The following CNTNAP2 variants were observed in gnomAD, a reference collection of about 807,000 sequenced individuals.
CNTNAP2 encodes contactin associated protein 2.
In CNTNAP2, 98 loss-of-function variants were observed where a neutral mutation model predicts 155.2. That is an observed-to-expected ratio of 0.63 (90% CI 0.54 to 0.75). CNTNAP2 has a LOEUF of 0.75. Ranked by LOEUF, CNTNAP2 falls within the 30% of genes least tolerant of loss-of-function variation. The probability of loss-of-function intolerance (pLI) is 0.00; values close to 1 mark genes in which losing one functional copy is unlikely to be tolerated. For missense variants in CNTNAP2, 1,727 were observed against 1,688.1 expected, an observed-to-expected ratio of 1.02 and a Z score of -0.40; for synonymous variants, 651 against 631.2, an observed-to-expected ratio of 1.03 and a Z score of -0.47.
At chr7:146,806,532 C>A (rs1385409260) in intron 2 of CNTNAP2, among the ~76,000 whole-genome samples, 1 of 151,754 alleles carries the variant, frequency 6.6e-6, no homozygotes, top group Non-Finnish European at 1.5e-5. Flanking sequence ...GGGTACCATC[C>A]TATCTTGATG....
chr7:147,475,388 T>C (rs973698281), intron 10 of CNTNAP2, among the ~76,000 whole-genome samples: 3 of 152,190 alleles, frequency 2.0e-5, no homozygotes, highest in Non-Finnish European at 4.4e-5. Flanking sequence ...TCAATGAATC[T>C]CATTGAAATT....
rs370359601 is a variant in CNTNAP2, at chr7:146,768,996, A to G, written c.98-5275A>G. Among the ~76,000 whole-genome samples, 145 of 152,314 alleles carry G rather than the reference A, an allele frequency of 9.5e-4. 1 individual carries two copies. In the East Asian group the frequency reaches 0.019, roughly 20 times the overall value. Reference sequence around the variant, plus strand: ...ACCTCTCAGCCGTATCTTTTAGGTAAAGGGCAACAGCTATTTCATGTCTAT... The same window carrying G: ...ACCTCTCAGCCGTATCTTTTAGGTAGAGGGCAACAGCTATTTCATGTCTAT... On this transcript the variant is annotated intron_variant, in intron 1 of 23. Transcript: ENST00000361727.
At chr7:148,030,692 G>A (rs975784716) in intron 15 of CNTNAP2, among the ~76,000 whole-genome samples, 1 of 146,046 alleles carries the variant, frequency 6.8e-6, no homozygotes. Context: ...TTTTTGGCAG[G>A]TGGTAAAGTT....
At chr7:146,136,986 C>G (rs1184787332) in intron 1 of CNTNAP2, among the ~76,000 whole-genome samples, 1 of 152,112 alleles carries the variant, frequency 6.6e-6, no homozygotes, top group Non-Finnish European at 1.5e-5. Flanking sequence ...CATGATGGCA[C>G]TTTTGAGTGA....
chr7:146,993,660 A>T (rs1391623784), intron 3 of CNTNAP2, among the ~76,000 whole-genome samples: 23 of 152,134 alleles, frequency 1.5e-4, no homozygotes, highest in Admixed American at 1.5e-3. Flanking sequence ...TACCTACTGT[A>T]ACAGTGCTAT....
intron 1 of CNTNAP2, among the ~76,000 whole-genome samples, chr7:146,577,969 A>G (rs867748572): frequency 6.6e-6 from 1 of 152,104 alleles, no homozygotes; most frequent in Non-Finnish European, 1.5e-5. Flanking sequence ...TGGGAGTAGA[A>G]ACCCAGGTCA....
intron 1 of CNTNAP2, among the ~76,000 whole-genome samples, chr7:146,184,499 TAAG>T (rs894163353): frequency 1.3e-5 from 2 of 152,204 alleles, no homozygotes; most frequent in African/African-American, 4.8e-5. Context: ...AATTAAATGA[TAAG>T]AGCTAAGAGA....
At chr7:147,776,194 G>A (rs1175233473) in intron 13 of CNTNAP2, among the ~76,000 whole-genome samples, 5 of 151,374 alleles carry the variant, frequency 3.3e-5, no homozygotes, top group Non-Finnish European at 7.4e-5. Flanking sequence ...CAAAGATTCT[G>A]CCCTTCTATG....
chr7:147,108,368 G>T lies in CNTNAP2; in HGVS notation c.754+18G>T. On this transcript the variant is annotated intron_variant, in intron 5 of 23. Transcript: ENST00000361727. ...AAACTTAGGTGTGTTCTGACTGTCA[G>T]TTCTATTCTTTCCGTTATGGATGTT... 6.2e-7 allele frequency: 1 copy of T among 1,600,606 alleles called. No homozygotes were observed. Among genetic ancestry groups the T allele is most frequent in the Non-Finnish European group, 8.5e-7 (1 of 1,170,370 alleles).
chr7:146,929,833 G>GT (rs910243235), intron 3 of CNTNAP2, among the ~76,000 whole-genome samples: 1 of 152,188 alleles, frequency 6.6e-6, no homozygotes, highest in Non-Finnish European at 1.5e-5. Flanking sequence ...GGAAGAAAGG[G>GT]TATCAGTGAT....
At position 147,798,771 on chromosome 7, in the gene CNTNAP2, G is replaced by T. The variant is rs146006247; in HGVS notation, c.2099-104794G>T. 8.3e-4 allele frequency among the ~76,000 whole-genome samples: 127 copies of T among 152,256 alleles called. 1 individual carries two copies. Among genetic ancestry groups the T allele is most frequent in the African/African-American group, 3.0e-3 (125 of 41,542 alleles). ...AGACTATCCTGGATGTAGGGATAAA[G>T]GTATCCTCTCTTCAGCTACTTTAGA... On this transcript the variant is annotated intron_variant, in intron 13 of 23. Coordinates refer to ENST00000361727, the MANE Select transcript of CNTNAP2 (RefSeq NM_014141.6).
chr7:146,527,493 A>T (rs969003281), intron 1 of CNTNAP2, among the ~76,000 whole-genome samples: 1 of 152,000 alleles, frequency 6.6e-6, no homozygotes, highest in Non-Finnish European at 1.5e-5. Context: ...GCTCAATGTC[A>T]TATGTCTGGA....
At chr7:147,498,052 T>C (rs1798742363) in intron 11 of CNTNAP2, among the ~76,000 whole-genome samples, 1 of 152,186 alleles carries the variant, frequency 6.6e-6, no homozygotes, top group East Asian at 1.9e-4. Context: ...GCATGCGTAT[T>C]AGATGCCCTT....
At chr7:147,482,582 G>A (rs1297509817) in intron 10 of CNTNAP2, among the ~76,000 whole-genome samples, 1 of 151,996 alleles carries the variant, frequency 6.6e-6, no homozygotes, top group East Asian at 1.9e-4. Flanking sequence ...TTAGCCGGGC[G>A]TGGTGGCGGG....
intron 16 of CNTNAP2, among the ~76,000 whole-genome samples, chr7:148,122,397 A>G (rs1804617072): frequency 1.3e-5 from 2 of 152,184 alleles, no homozygotes; most frequent in African/African-American, 4.8e-5. Context: ...TTAAATTTTG[A>G]TGGATAAGTA....
intron 1 of CNTNAP2, among the ~76,000 whole-genome samples, chr7:146,327,077 A>C (rs1801110204): frequency 6.6e-6 from 1 of 152,192 alleles, no homozygotes; most frequent in Non-Finnish European, 1.5e-5. Flanking sequence ...GTAATAATAT[A>C]GATAGTAAAA....
intron 3 of CNTNAP2, among the ~76,000 whole-genome samples, chr7:146,989,013 C>CT (rs1798163950): frequency 6.6e-6 from 1 of 152,144 alleles, no homozygotes; most frequent in Non-Finnish European, 1.5e-5. Flanking sequence ...ATATTTCTTT[C>CT]TTACACACCT....
At chr7:148,074,227 T>G (rs1803435500) in intron 15 of CNTNAP2, among the ~76,000 whole-genome samples, 1 of 152,146 alleles carries the variant, frequency 6.6e-6, no homozygotes, top group Non-Finnish European at 1.5e-5. Flanking sequence ...CTTTGTCTCT[T>G]TCTATATTCC....
At chr7:148,164,303 T>G (rs1340520515) in intron 17 of CNTNAP2, among the ~76,000 whole-genome samples, 1 of 152,082 alleles carries the variant, frequency 6.6e-6, no homozygotes, top group Non-Finnish European at 1.5e-5. Flanking sequence ...TGGTAGCATA[T>G]AGAACAGGAG....
Sources: gnomAD v4.1 joint callset for allele counts (sites outside exome capture counted in the v4.1 genomes callset) on GRCh38, gnomAD v4.1.1 for gene constraint, MANE v1.5 for transcripts, NCBI Gene and HGNC (gene_info 2026-07-23, HGNC 2026-07-21) for gene names.